Variants in MED13 observed in about 807,000 individuals in gnomAD.
MED13 encodes mediator of RNA polymerase II transcription subunit 13.
A neutral mutation model predicts 225.2 loss-of-function variants in MED13; 23 were observed. The ratio of observed to expected loss-of-function variants is 0.10; its 90% CI spans 0.07 to 0.14. The LOEUF (loss-of-function observed/expected upper bound fraction) is 0.14, where lower values mean the gene tolerates loss of function less well. Among genes scored for constraint, MED13 ranks in the 10% least tolerant of loss-of-function variants. MED13 has a pLI of 1.00. For synonymous variants in MED13, 942 were observed against 889.2 expected (o/e 1.06, Z -1.06); for missense variants, 2,197 against 2,594.5 (o/e 0.85, Z 3.33).
rs759661302 is a variant in MED13 at position 62,031,563 on chromosome 17, C to G, written c.890G>C (p.Gly297Ala). 7.4e-6 allele frequency: 12 copies of G among 1,613,626 alleles called. No homozygotes were observed. The Admixed American group carries it at 1.0e-4, about 13-fold the overall frequency. The change falls in exon 6 of 30, where the codon GGA becomes GCA. Residue 297 changes from glycine (G) to alanine (A), a missense_variant. Physicochemically the swap from Gly to Ala is moderately conservative, Grantham distance 60. Transcript: ENST00000397786. ...QSDIPTPSPV[G>A]STHCSSSCLG... ...GCAAGAAGATGAACAGTGAGTGGAT[C>G]CCACAGGGCTAGGAGTAGGAATGTC...
rs2081055161 is a variant in MED13, at chr17:62,063,181, C to T, written c.187G>A (p.Ala63Thr). Reference sequence around the variant, plus strand: ...CGCCGCCAAACACCAAGTACATCTGCCTTAAGGCAGCGACTAAAACTGCTC... The same window carrying T: ...CGCCGCCAAACACCAAGTACATCTGTCTTAAGGCAGCGACTAAAACTGCTC... ...ILSSFSRCLKADVLGVWRRDQ... is the reference protein window; with the variant it reads ...ILSSFSRCLKTDVLGVWRRDQ... Residue 63 changes from alanine to threonine, a missense_variant, in exon 2 of 30, where the codon GCA becomes ACA. By Grantham distance (58) the Ala-to-Thr change is moderately conservative (BLOSUM62 0). Coordinates refer to ENST00000397786, the MANE Select transcript of MED13 (RefSeq NM_005121.3). The T allele has an allele frequency of 6.2e-7, 1 of 1,614,132 alleles. No homozygotes were observed. The highest frequency in any genetic ancestry group is 8.5e-7 in the Non-Finnish European group (1 of 1,180,008).
At chr17:62,060,504 C>T (rs1321193136) in intron 2 of MED13, among the ~76,000 whole-genome samples, 1 of 151,274 alleles carries the variant, frequency 6.6e-6, no homozygotes, top group African/African-American at 2.4e-5. Context: ...CCTGTAGTCC[C>T]AGGTACTCAG....
chr17:62,043,156 CAAAAAAAAAAAAAAAAAA>C (rs764530614), intron 3 of MED13, among the ~76,000 whole-genome samples: 8 of 31,670 alleles, frequency 2.5e-4, no homozygotes, highest in Middle Eastern at 0.05. Flanking sequence ...ACCCTGTCTC[CAAAAAAAAAAAAAAAAAA>C]AAAAAAAAAA....
rs1478784495 is a variant in MED13, at chr17:61,995,434, TATC to T, written c.1968-72_1968-70del. 3.7e-6 allele frequency: 4 copies of T among 1,068,056 alleles called. No individual in the cohort carries two copies. In the African/African-American group the frequency reaches 6.4e-5, roughly 17 times the overall value. The allele number at this position is 1,068,056 out of a possible 1,614,324, so 66.2% of individuals were successfully genotyped here. On this transcript the variant is annotated intron_variant, in intron 9 of 29. Coordinates refer to ENST00000397786, the MANE Select transcript of MED13 (RefSeq NM_005121.3). ...TAAAAATTTCCAAAATGACGTTAAGTATCATAATGTTTTTAGAATTACTTAAAG... is the reference window on the plus strand; with the variant it reads ...TAAAAATTTCCAAAATGACGTTAAGTATAATGTTTTTAGAATTACTTAAAG...
At chr17:62,014,460 G>A (rs1261890388) in intron 8 of MED13, among the ~76,000 whole-genome samples, 1 of 152,004 alleles carries the variant, frequency 6.6e-6, no homozygotes, top group Non-Finnish European at 1.5e-5. Context: ...GGGATTACAG[G>A]TGCCCGCCAC....
At chr17:62,001,170 G>C (rs2080391465) in intron 9 of MED13, among the ~76,000 whole-genome samples, 1 of 152,122 alleles carries the variant, frequency 6.6e-6, no homozygotes, top group South Asian at 2.1e-4. Context: ...TAAAAACAAT[G>C]GTACAGACAC....
At chr17:61,947,837 TA>T (rs755150605) in intron 28 of MED13, among the ~76,000 whole-genome samples, 1 of 152,166 alleles carries the variant, frequency 6.6e-6, no homozygotes, top group Admixed American at 6.5e-5. Flanking sequence ...AATATAGTAT[TA>T]AAAAGCTATG....
At chr17:61,950,179 G>C (rs867013060) in intron 28 of MED13, among the ~76,000 whole-genome samples, 2 of 151,982 alleles carry the variant, frequency 1.3e-5, no homozygotes, top group Non-Finnish European at 2.9e-5. Context: ...GTTAGACAGA[G>C]GTAATATAAA....
intron 9 of MED13, among the ~76,000 whole-genome samples, chr17:62,000,922 C>T (rs1046511030): frequency 2.6e-5 from 4 of 152,024 alleles, no homozygotes; most frequent in South Asian, 4.2e-4. Flanking sequence ...GCCACCACGC[C>T]CAGCTAATTT....
intron 8 of MED13, among the ~76,000 whole-genome samples, chr17:62,023,870 A>G (rs1219603369): frequency 6.6e-6 from 1 of 152,218 alleles, no homozygotes; most frequent in Non-Finnish European, 1.5e-5. Context: ...ACAAAATGTA[A>G]TACTAATTTT....
intron 2 of MED13, among the ~76,000 whole-genome samples, chr17:62,060,271 C>T (rs992552251): frequency 4.0e-5 from 6 of 150,648 alleles, no homozygotes; most frequent in East Asian, 2.0e-4. Context: ...CCAGCCTGGG[C>T]GACAAAGCAA....
intron 8 of MED13, among the ~76,000 whole-genome samples, chr17:62,021,483 T>C (rs968065217): frequency 3.3e-5 from 5 of 150,524 alleles, no homozygotes; most frequent in Admixed American, 6.6e-5. Context: ...CACTTCCCAG[T>C]AGGGGCGGCC....
In MED13 at chr17:61,943,381, A is replaced by G. The variant is rs1207907549; in HGVS notation, c.*3087T>C. The stretch of plus-strand genomic sequence containing the variant: ...ATGCAACATAGTATTCTGATATTAC[A>G]GTATTAACATAGTGCTTGATTAAAG... On this transcript the variant is annotated 3_prime_UTR_variant, in exon 30 of 30. Coordinates refer to ENST00000397786, the MANE Select transcript of MED13 (RefSeq NM_005121.3). The G allele has an allele frequency of 6.6e-6, 1 of 152,624 alleles. No individual in the cohort carries two copies. The highest frequency in any genetic ancestry group is 1.5e-5 in the Non-Finnish European group (1 of 67,994). 9.5% of individuals were successfully genotyped at this position (152,624 alleles called of 1,614,324 possible).
chr17:62,058,230 G>A (rs1158245648), intron 2 of MED13, among the ~76,000 whole-genome samples: 2 of 151,980 alleles, frequency 1.3e-5, no homozygotes, highest in Admixed American at 1.3e-4. Flanking sequence ...TTAAAAAAAA[G>A]GGGCCAGGCA....
In MED13 at chr17:61,958,158, C is replaced by T. The variant is rs1168011284; in HGVS notation, c.5481-1677G>A. On this transcript the variant is annotated intron_variant, in intron 23 of 29. Coordinates refer to ENST00000397786, the MANE Select transcript of MED13 (RefSeq NM_005121.3). ...GGATTACAGGCGTGAGCCACCGCGCCCAGCTGGCTATTACTTATTATTTTT... is the reference window on the plus strand; with the variant it reads ...GGATTACAGGCGTGAGCCACCGCGCTCAGCTGGCTATTACTTATTATTTTT... Among the ~76,000 whole-genome samples, 6 of 151,274 alleles carry T rather than the reference C, an allele frequency of 4.0e-5. No individual in the cohort carries two copies. The East Asian group carries it at 1.2e-3, about 30-fold the overall frequency.
Position 62,010,807 on chromosome 17 carries a change from A to T in MED13, c.1710T>A (p.Val570=), listed in dbSNP as rs774711605. 11 of 1,614,114 alleles carry T rather than the reference A, an allele frequency of 6.8e-6. No homozygotes were observed. The highest frequency in any genetic ancestry group is 2.5e-6 in the Non-Finnish European group (3 of 1,180,058). The change falls in exon 9 of 30, where the codon GTT becomes GTA. Residue 570 remains valine, a synonymous_variant. Coordinates refer to ENST00000397786, the MANE Select transcript of MED13 (RefSeq NM_005121.3). ...FYQMPTPDPL[V]PSKPMEDRID... is the part of the protein sequence containing the mutation. ...TCCTATCTTCCATTGGTTTAGAAGG[A>T]ACCAAGGGATCTGGTGTTGGCATTT... is the stretch of plus-strand genomic sequence containing the variant.
chr17:61,970,333 C>T (rs192462100), intron 17 of MED13, among the ~76,000 whole-genome samples: 1 of 152,202 alleles, frequency 6.6e-6, no homozygotes, highest in East Asian at 1.9e-4. Context: ...GAATCAGCAT[C>T]CTACTAGGCA....
chr17:62,040,086 T>C (rs1011971481), intron 3 of MED13, among the ~76,000 whole-genome samples: 2 of 152,148 alleles, frequency 1.3e-5, no homozygotes, highest in African/African-American at 4.8e-5. Context: ...GAAATCCTTA[T>C]ATTAAAGGCA....
intron 3 of MED13, among the ~76,000 whole-genome samples, chr17:62,041,406 C>G (rs558876721): frequency 0.1 from 20 of 196 alleles, no homozygotes; most frequent in Admixed American, 0.45. Flanking sequence ...AGAGCTGCCA[C>G]TCATAAAATT....
Sources: allele counts gnomAD v4.1 joint callset (sites outside exome capture counted in the v4.1 genomes callset), GRCh38; gene constraint gnomAD v4.1.1; transcripts MANE v1.5; gene names NCBI Gene and HGNC (gene_info 2026-07-23, HGNC 2026-07-21).